The following COL12A1 variants were observed in gnomAD, a reference collection of about 807,000 sequenced individuals.
COL12A1 encodes collagen alpha-1(XII) chain.
Under a neutral mutation model 349.7 loss-of-function variants are expected in COL12A1, and 114 were observed. The ratio of observed to expected loss-of-function variants is 0.33; its 90% CI spans 0.28 to 0.38. COL12A1 has a LOEUF of 0.38. COL12A1 is among the 10% of genes least tolerant of loss of function. COL12A1 has a pLI of 1.00. For synonymous variants in COL12A1, 1,369 were observed against 1,329.0 expected, an observed-to-expected ratio of 1.03 and a Z score of -0.66; for missense variants, 3,284 against 3,756.9, an observed-to-expected ratio of 0.87 and a Z score of 3.29.
rs769570071 is a variant in COL12A1 at position 75,137,599 on chromosome 6, A to T, written c.5252-20T>A. 6.2e-7 allele frequency: 1 copy of T among 1,613,388 alleles called. No homozygotes were observed. Among genetic ancestry groups the T allele is most frequent in the Non-Finnish European group, 8.5e-7 (1 of 1,179,716 alleles). On this transcript the variant is annotated intron_variant, in intron 30 of 65. Coordinates refer to ENST00000322507, the MANE Select transcript of COL12A1 (RefSeq NM_004370.6). The stretch of plus-strand genomic sequence containing the variant: ...TGGGAGCTGAAAGAAGATTGTTGAA[A>T]AACTGAGTAAGCAGACAGAACAATG...
chr6:75,176,469 G>A (rs867515900), intron 12 of COL12A1, among the ~76,000 whole-genome samples: 7 of 149,614 alleles, frequency 4.7e-5, no homozygotes, highest in South Asian at 2.2e-4. Context: ...GGAGCATGAC[G>A]CAGTGGGGGA....
intron 36 of COL12A1, 143 bp downstream of exon 36, chr6:75,130,709 T>C: frequency 9.4e-7 from 1 of 1,061,178 alleles, no homozygotes; most frequent in Non-Finnish European, 1.3e-6. Context: ...AGACCCAATG[T>C]TTTCGCCTGG....
intron 34 of COL12A1, among the ~76,000 whole-genome samples, chr6:75,132,961 C>T (rs902109163): frequency 8.5e-5 from 13 of 152,108 alleles, no homozygotes; most frequent in African/African-American, 2.4e-4. Context: ...ACTATGAAAG[C>T]CAATTGTAAA....
intron 32 of COL12A1, 142 bp downstream of exon 32, chr6:75,134,584 A>G: frequency 2.6e-6 from 2 of 772,592 alleles, no homozygotes; most frequent in Non-Finnish European, 3.5e-6. Context: ...AAAAAAGAAA[A>G]GAAAAAACTA....
At chr6:75,188,845 G>A (rs1220656493) in intron 7 of COL12A1, among the ~76,000 whole-genome samples, 2 of 152,028 alleles carry the variant, frequency 1.3e-5, no homozygotes, top group Non-Finnish European at 2.9e-5. Context: ...TTCTTCCAGA[G>A]TCCTCAATAA....
At chr6:75,101,000 C>A (rs760867504) in intron 58 of COL12A1, among the ~76,000 whole-genome samples, 6 of 152,162 alleles carry the variant, frequency 3.9e-5, no homozygotes, top group Non-Finnish European at 8.8e-5. Context: ...ACATAGAGGT[C>A]ATGTTCACCA....
chr6:75,175,376 G>T (rs1768883581), intron 12 of COL12A1, 66 bp from the exon 13 acceptor site: 1 of 1,546,554 alleles, frequency 6.5e-7, no homozygotes, highest in Admixed American at 1.9e-5. Context: ...AAAACACTTT[G>T]TTACTTTACT....
chr6:75,100,840 A>G (rs899475990), intron 58 of COL12A1, among the ~76,000 whole-genome samples: 4 of 152,192 alleles, frequency 2.6e-5, no homozygotes, highest in Non-Finnish European at 5.9e-5. Flanking sequence ...TCAAAATACA[A>G]ACTACTCTCA....
At chr6:75,156,160 A>C in intron 15 of COL12A1, 97 bp downstream of exon 15, 4 of 1,374,294 alleles carry the variant, frequency 2.9e-6, no homozygotes, top group Non-Finnish European at 4.0e-6. Context: ...TTATTACGGA[A>C]TCAGTTTTAA....
intron 11 of COL12A1, among the ~76,000 whole-genome samples, chr6:75,178,601 G>GT (rs1769102709): frequency 6.6e-6 from 1 of 152,136 alleles, no homozygotes; most frequent in African/African-American, 2.4e-5. Context: ...ACATCATTTG[G>GT]TTTTGTGTTT....
intron 26 of COL12A1, 145 bp downstream of exon 26, chr6:75,143,107 C>T: frequency 1.1e-6 from 1 of 887,176 alleles, no homozygotes; most frequent in Non-Finnish European, 1.7e-6. Context: ...TCAAAAACTG[C>T]TTTATTAATA....
At chr6:75,156,878 G>A (rs1009700633) in intron 14 of COL12A1, among the ~76,000 whole-genome samples, 2 of 152,134 alleles carry the variant, frequency 1.3e-5, no homozygotes, top group African/African-American at 4.8e-5. Context: ...TAATAATGCT[G>A]TGGAGAATAC....
chr6:75,131,374 T>C (rs1297160623), intron 35 of COL12A1, among the ~76,000 whole-genome samples: 1 of 152,200 alleles, frequency 6.6e-6, no homozygotes, highest in Non-Finnish European at 1.5e-5. Context: ...TACATACAGG[T>C]AAAGTTGTCT....
chr6:75,156,370 G>A lies in COL12A1; in HGVS notation c.3137C>T (p.Thr1046Ile). The change falls in exon 15 of 66, where the codon ACA becomes ATA. Residue 1046 changes from threonine to isoleucine, a missense_variant. By Grantham distance (89) the Thr-to-Ile change is moderately conservative. Transcript: ENST00000322507. ...TCGCTTTAACACTGTCGAAGTGACT[G>A]TGGGGGGCACCTTAGCAACCATTTG... ...GKQMVAKVPPTVTSTVLKRLQ... is the reference protein window; with the variant it reads ...GKQMVAKVPPIVTSTVLKRLQ... 6.2e-7 allele frequency: 1 copy of A among 1,613,980 alleles called. No individual in the cohort carries two copies. Among genetic ancestry groups the A allele is most frequent in the Non-Finnish European group, 8.5e-7 (1 of 1,179,908 alleles).
At position 75,138,934 on chromosome 6, in the gene COL12A1, T is replaced by G; in HGVS notation, c.4985A>C (p.Lys1662Thr). Reference protein sequence around the residue: ...TRPVPAPTNLKITEVTSEGFR... With the variant: ...TRPVPAPTNLTITEVTSEGFR... ...ACCCTCTGATGTTACTTCAGTAATCTTTAAGTTTGTTGGGGCTGGCACGGG... is the reference window on the plus strand; with the variant it reads ...ACCCTCTGATGTTACTTCAGTAATCGTTAAGTTTGTTGGGGCTGGCACGGG... Residue 1662 changes from lysine (K) to threonine (T), a missense_variant, in exon 28 of 66, where the codon AAG (lysine) becomes ACG (threonine). Transcript: ENST00000322507. 1.2e-6 allele frequency: 2 copies of G among 1,614,084 alleles called. No homozygotes were observed. The highest frequency in any genetic ancestry group is 1.7e-6 in the Non-Finnish European group (2 of 1,179,934).
chr6:75,127,945 C>G (rs1034253362), intron 38 of COL12A1, among the ~76,000 whole-genome samples: 1 of 152,116 alleles, frequency 6.6e-6, no homozygotes, highest in Admixed American at 6.5e-5. Flanking sequence ...CTTACTGATA[C>G]TATATTGACT....
At chr6:75,191,449 A>G (rs1398881743) in intron 5 of COL12A1, among the ~76,000 whole-genome samples, 1 of 151,974 alleles carries the variant, frequency 6.6e-6, no homozygotes, top group Non-Finnish European at 1.5e-5. Flanking sequence ...GGTTGGACAC[A>G]CACAATTTCA....
In COL12A1 at chr6:75,139,503, T is replaced by C. The variant is rs543753674; in HGVS notation, c.4958-542A>G. Among the ~76,000 whole-genome samples, 35 of 152,346 alleles carry C rather than the reference T, an allele frequency of 2.3e-4. 1 individual carries two copies. In the South Asian group the frequency reaches 3.7e-3, roughly 16 times the overall value. On this transcript the variant is annotated intron_variant, in intron 27 of 65. Transcript: ENST00000322507. ...AAGGAAACAGTTTCATTTTTATTTT[T>C]TAAAAACACACATACCACTGCAGTT...
At chr6:75,105,876 G>A (rs375884531) in intron 53 of COL12A1, among the ~76,000 whole-genome samples, 33 of 152,190 alleles carry the variant, frequency 2.2e-4, no homozygotes, top group East Asian at 7.7e-4. Context: ...GGTGCCTAGC[G>A]TATAATAGGT....
Sources: gnomAD v4.1 joint callset for allele counts (sites outside exome capture counted in the v4.1 genomes callset) on GRCh38, gnomAD v4.1.1 for gene constraint, MANE v1.5 for transcripts, NCBI Gene and HGNC (gene_info 2026-07-23, HGNC 2026-07-21) for gene names.